ADCY3: variants seen among roughly 807,000 people sequenced by gnomAD.
ADCY3 encodes adenylate cyclase 3.
A neutral mutation model predicts 119.4 loss-of-function variants in ADCY3; 70 were observed. The observed-to-expected ratio is 0.59, with a 90% CI of 0.48 to 0.72. The LOEUF (loss-of-function observed/expected upper bound fraction) is 0.72, where lower values mean the gene tolerates loss of function less well. ADCY3 is among the 30% of genes least tolerant of loss of function. The pLI, the probability that ADCY3 is intolerant of heterozygous loss-of-function variation, is 0.00. For synonymous variants in ADCY3, 672 were observed against 621.4 expected, an observed-to-expected ratio of 1.08 and a Z score of -1.21; for missense variants, 1,238 against 1,541.6, an observed-to-expected ratio of 0.80 and a Z score of 3.30.
intron 9 of ADCY3, 74 bp downstream of exon 9, chr2:24,836,843 C>T (rs1041086446): frequency 4.1e-5 from 63 of 1,535,170 alleles, no homozygotes; most frequent in Non-Finnish European, 5.3e-5. Flanking sequence ...ACTCCTGCTG[C>T]AGGAACGTAT....
chr2:24,824,562 T>C (rs373810353), intron 16 of ADCY3, 26 bp from the exon 17 acceptor site: 6 of 1,612,802 alleles, frequency 3.7e-6, no homozygotes, highest in Non-Finnish European at 4.2e-6. Context: ...AGGCGAGGCA[T>C]GTGCTCTAAG....
chr2:24,840,515 G>A lies in ADCY3; in HGVS notation c.1197-484C>T, dbSNP rs908188862. The A allele has an allele frequency of 3.9e-5, 18 of 464,434 alleles. No homozygotes were observed. In the Middle Eastern group the frequency reaches 1.3e-3, roughly 34 times the overall value. 28.8% of individuals were successfully genotyped at this position (464,434 alleles called of 1,614,324 possible). A position where few individuals can be genotyped will look rare whatever the true frequency, so the allele number is the denominator to read the frequency against. On this transcript the variant is annotated intron_variant, in intron 6 of 21. Transcript: ENST00000679454. Reference sequence around the variant, plus strand: ...CTTTCTTTCCAGGGCAATACTAGACGGGCTTTAACCTGGAAGATGGTAAAA... The same window carrying A: ...CTTTCTTTCCAGGGCAATACTAGACAGGCTTTAACCTGGAAGATGGTAAAA...
At chr2:24,893,980 T>C (rs1238067118) in intron 2 of ADCY3, among the ~76,000 whole-genome samples, 1 of 152,230 alleles carries the variant, frequency 6.6e-6, no homozygotes, top group Non-Finnish European at 1.5e-5. Context: ...TTGTCTTGTT[T>C]TTTGTCTTCT....
rs773980429 is a variant in ADCY3, at chr2:24,824,488, C to G, written c.2626G>C (p.Asp876His). The G allele has an allele frequency of 3.1e-6, 5 of 1,614,208 alleles. No individual in the cohort carries two copies. The highest frequency in any genetic ancestry group is 2.2e-5 in the East Asian group (1 of 44,892). ...ATCTCATAGACACGTTCCTTCTGGT[C>G]GTGGACCTCAATCTTCCACAAGAAA... ...TLFLWKIEVHDQKERVYEMRR... is the reference protein window; with the variant it reads ...TLFLWKIEVHHQKERVYEMRR... Residue 876 changes from aspartate to histidine, a missense_variant, in exon 17 of 22, where the codon GAC becomes CAC. By Grantham distance (81) the Asp-to-His change is moderately conservative. This residue lies in a region of ADCY3 where 499 missense variants were observed against 571.0 expected (regional missense o/e 0.87). Transcript: ENST00000679454.
At chr2:24,820,329 T>C in intron 21 of ADCY3, 2 of 1,328,086 alleles carry the variant, frequency 1.5e-6, no homozygotes, top group Non-Finnish European at 1.9e-6. Context: ...CCTCCTCTCA[T>C]CCAGAGACTT....
intron 2 of ADCY3, among the ~76,000 whole-genome samples, chr2:24,901,034 C>T (rs1322881412): frequency 6.6e-6 from 1 of 152,158 alleles, no homozygotes; most frequent in Non-Finnish European, 1.5e-5. Flanking sequence ...CATTGCACTC[C>T]AGCCTGGGCG....
At chr2:24,854,892 A>G (rs1413997785) in intron 3 of ADCY3, among the ~76,000 whole-genome samples, 1 of 152,106 alleles carries the variant, frequency 6.6e-6, no homozygotes, top group Non-Finnish European at 1.5e-5. Flanking sequence ...CCTACTAAAA[A>G]TACAAAAATT....
chr2:24,827,457 G>A (rs558059276), intron 15 of ADCY3, 89 bp downstream of exon 15: 3 of 1,428,722 alleles, frequency 2.1e-6, no homozygotes, highest in Non-Finnish European at 2.9e-6. Flanking sequence ...TCCCGGGAGG[G>A]TGAGATCCCG....
chr2:24,862,909 G>A (rs1673851160), intron 3 of ADCY3, among the ~76,000 whole-genome samples: 4 of 151,940 alleles, frequency 2.6e-5, no homozygotes, highest in Non-Finnish European at 5.9e-5. Context: ...GTGTCTATGT[G>A]CAGGCACTGT....
chr2:24,834,705 G>A lies in ADCY3; in HGVS notation c.1806-59C>T, dbSNP rs1558425074. 14 of 1,603,828 alleles carry A rather than the reference G, an allele frequency of 8.7e-6. No homozygotes were observed. Among genetic ancestry groups the A allele is most frequent in the Non-Finnish European group, 1.2e-5 (14 of 1,172,044 alleles). On this transcript the variant is annotated intron_variant, in intron 10 of 21. Coordinates refer to ENST00000679454, the MANE Select transcript of ADCY3 (RefSeq NM_004036.5). The surrounding 1 kb of genome is among the most constrained non-coding windows in gnomAD (Gnocchi z 4.2). Reference sequence around the variant, plus strand: ...GCCACATCTGCCTTGGCCTAGCAGGGGGGCCGTATTTGGGATGCTCAGTTT... The same window carrying A: ...GCCACATCTGCCTTGGCCTAGCAGGAGGGCCGTATTTGGGATGCTCAGTTT...
chr2:24,892,142 G>A (rs1677726089), intron 2 of ADCY3, among the ~76,000 whole-genome samples: 1 of 151,598 alleles, frequency 6.6e-6, no homozygotes, highest in African/African-American at 2.4e-5. Flanking sequence ...TTAGGCATGT[G>A]TTTCCAAATA....
rs370358196 is a variant in ADCY3, at chr2:24,891,596, C to A, written c.676-18877G>T. 1.4e-4 allele frequency among the ~76,000 whole-genome samples: 22 copies of A among 152,260 alleles called. 1 individual carries two copies. In the East Asian group the frequency reaches 3.3e-3, roughly 23 times the overall value. ...TAAGTGAAAAGAAAAAATTTCTCAA[C>A]CAAAGGAAAGATCATACGTTGAGGT... On this transcript the variant is annotated intron_variant, in intron 2 of 21. Transcript: ENST00000679454.
chr2:24,893,358 G>A (rs770864098), intron 2 of ADCY3, among the ~76,000 whole-genome samples: 28 of 147,794 alleles, frequency 1.9e-4, no homozygotes, highest in East Asian at 3.9e-4. Context: ...GCAGCAGAGC[G>A]AGAAAATTTC....
intron 2 of ADCY3, among the ~76,000 whole-genome samples, chr2:24,902,123 C>G: frequency 6.8e-6 from 1 of 148,104 alleles, no homozygotes; most frequent in East Asian, 2.0e-4. Context: ...CTCTGTTACC[C>G]AGGTTGGAGT....
chr2:24,869,519 C>T (rs1426598526), intron 3 of ADCY3, among the ~76,000 whole-genome samples: 1 of 152,166 alleles, frequency 6.6e-6, no homozygotes, highest in Non-Finnish European at 1.5e-5. Flanking sequence ...GATCCTCCCA[C>T]CTCAGCCTCC....
At chr2:24,838,192 G>A (rs549452519) in intron 8 of ADCY3, among the ~76,000 whole-genome samples, 35 of 151,620 alleles carry the variant, frequency 2.3e-4, no homozygotes, top group African/African-American at 5.8e-4. Flanking sequence ...CATCTCCAGC[G>A]GCCCCCTCCT....
chr2:24,835,698 G>A (rs896587056), intron 9 of ADCY3, among the ~76,000 whole-genome samples: 3 of 152,164 alleles, frequency 2.0e-5, no homozygotes, highest in Non-Finnish European at 4.4e-5. Flanking sequence ...CACTCTGGGA[G>A]GCTGAGGTGG....
chr2:24,915,071 A>G (rs1395891119), intron 2 of ADCY3, among the ~76,000 whole-genome samples: 1 of 152,148 alleles, frequency 6.6e-6, no homozygotes, highest in African/African-American at 2.4e-5. Context: ...GCGCATGGGC[A>G]TGGGGGGATA....
At chr2:24,890,998 A>G (rs1286084224) in intron 2 of ADCY3, among the ~76,000 whole-genome samples, 1 of 152,044 alleles carries the variant, frequency 6.6e-6, no homozygotes, top group Non-Finnish European at 1.5e-5. Flanking sequence ...CAGCCTCCCA[A>G]GTAAGTGGGA....
Sources: allele counts gnomAD v4.1 joint callset (sites outside exome capture counted in the v4.1 genomes callset), GRCh38; gene constraint gnomAD v4.1.1; regional missense constraint gnomAD v4.1.1; non-coding constraint Gnocchi (gnomAD v3.1); transcripts MANE v1.5; gene names NCBI Gene and HGNC (gene_info 2026-07-23, HGNC 2026-07-21).